The following CREBZF variants were observed in gnomAD, a reference collection of about 807,000 sequenced individuals.
CREBZF encodes the protein CREB/ATF bZIP transcription factor.
In CREBZF, 8 loss-of-function variants were observed where a neutral mutation model predicts 21.1. The ratio of observed to expected loss-of-function variants is 0.38; its 90% CI spans 0.22 to 0.68. The LOEUF (loss-of-function observed/expected upper bound fraction) is 0.68, where lower values mean the gene tolerates loss of function less well. Among genes scored for constraint, CREBZF ranks in the 30% least tolerant of loss-of-function variants. CREBZF has a pLI of 0.51. For synonymous variants in CREBZF, 270 were observed against 223.3 expected (o/e 1.21, Z -1.86); for missense variants, 518 against 484.3 (o/e 1.07, Z -0.65).
In CREBZF at chr11:85,681,133, G is replaced by A. The variant is rs181069811; in HGVS notation, n.147+1584C>T. Among the ~76,000 whole-genome samples the A allele has an allele frequency of 3.5e-4, 53 of 152,300 alleles. No homozygotes were observed. In the East Asian group the frequency reaches 9.3e-3, roughly 27 times the overall value. ...TGGAGGGGGAGGGTAGGCTTTTAGG[G>A]GAGCAGTTAAGAGTCATCATCCTCT... On this transcript the variant is annotated intron_variant and non_coding_transcript_variant, in intron 1 of 3. Transcript: ENST00000531515.
chr11:85,663,494 T>A lies in CREBZF; in HGVS notation c.*317A>T. The A allele has an allele frequency of 1.2e-6, 1 of 837,158 alleles. No individual in the cohort carries two copies. Among genetic ancestry groups the A allele is most frequent in the South Asian group, 1.4e-5 (1 of 69,912 alleles). The allele number at this position is 837,158 out of a possible 1,614,324, so 51.9% of individuals were successfully genotyped here. On this transcript the variant is annotated 3_prime_UTR_variant, in exon 1 of 1. Transcript: ENST00000527447. ...TTAAAGTAGACAAAGCAGCAGAGCA[T>A]GAGCGTTACGGGAAGAGATGGATCC...
At chr11:85,672,157 C>T (rs1023461663) in intron 1 of CREBZF, among the ~76,000 whole-genome samples, 1 of 152,284 alleles carries the variant, frequency 6.6e-6, no homozygotes, top group Admixed American at 6.5e-5. Flanking sequence ...CTTGCACCCT[C>T]TGAAGCCATA....
upstream of CREBZF, among the ~76,000 whole-genome samples, chr11:85,667,250 T>G (rs1348531048): frequency 2.0e-5 from 3 of 150,696 alleles, no homozygotes; most frequent in African/African-American, 7.3e-5. Flanking sequence ...TTTTTGTACT[T>G]TTAGTAGAAA....
intron 1 of CREBZF, among the ~76,000 whole-genome samples, chr11:85,673,706 C>T (rs906010756): frequency 2.0e-5 from 3 of 152,138 alleles, no homozygotes; most frequent in African/African-American, 4.8e-5. Context: ...CTCTATAGCA[C>T]GTGATGTTGT....
chr11:85,676,874 G>A (rs2153329997), intron 1 of CREBZF, among the ~76,000 whole-genome samples: 1 of 150,288 alleles, frequency 6.7e-6, no homozygotes, highest in Middle Eastern at 3.5e-3. Context: ...AAGCTCCTGG[G>A]TTCAAGCAAT....
intron 1 of CREBZF, among the ~76,000 whole-genome samples, chr11:85,674,512 C>G (rs982043727): frequency 6.6e-6 from 1 of 152,152 alleles, no homozygotes; most frequent in African/African-American, 2.4e-5. Flanking sequence ...TTCTTGAAAG[C>G]CCTAGGATTT....
At chr11:85,674,870 T>C (rs2082932686) in intron 1 of CREBZF, among the ~76,000 whole-genome samples, 1 of 152,248 alleles carries the variant, frequency 6.6e-6, no homozygotes, top group Non-Finnish European at 1.5e-5. Flanking sequence ...TTCTCATTGC[T>C]AATTCCAAAT....
rs371102121 is a variant in CREBZF at position 85,664,709 on chromosome 11, T to G, written c.167A>C (p.Gln56Pro). ...AAAGSPGRKQ[Q>P]FGDEGELEAG... is the part of the protein sequence containing the mutation. ...TTCCAACTCTCCTTCGTCGCCAAAC[T>G]GCTGCTTGCGGCCGGGAGATCCGGC... The change falls in exon 1 of 1, where the codon CAG becomes CCG. Residue 56 changes from glutamine to proline, a missense_variant. Transcript: ENST00000527447. The surrounding 1 kb of genome is among the most constrained non-coding windows in gnomAD (Gnocchi z 5.5). 1.2e-6 allele frequency: 2 copies of G among 1,601,820 alleles called. No individual in the cohort carries two copies. The highest frequency in any genetic ancestry group is 1.1e-5 in the South Asian group (1 of 90,386).
chr11:85,664,388 A>G lies in CREBZF; in HGVS notation c.488T>C (p.Leu163Pro). The G allele has an allele frequency of 6.2e-7, 1 of 1,613,816 alleles. No homozygotes were observed. Among genetic ancestry groups the G allele is most frequent in the Non-Finnish European group, 8.5e-7 (1 of 1,180,018 alleles). ...TCCGATACCGTTTAACAGCCTTTGC[A>G]GCAGGTCAGAGAAGCGCTGCATTTC... The part of the protein sequence containing the change: ...AAEMQRFSDL[L>P]QRLLNGIGGC... Residue 163 changes from leucine to proline, a missense_variant, in exon 1 of 1, where the codon CTG (leucine) becomes CCG (proline). Physicochemically the swap from Leu to Pro is moderately conservative, Grantham distance 98 (BLOSUM62 -3). Transcript: ENST00000527447. The surrounding 1 kb of genome is among the most constrained non-coding windows in gnomAD (Gnocchi z 5.5).
At chr11:85,672,966 A>T (rs1364814962) in intron 1 of CREBZF, among the ~76,000 whole-genome samples, 6 of 152,224 alleles carry the variant, frequency 3.9e-5, no homozygotes, top group Non-Finnish European at 1.5e-5. Flanking sequence ...CAATGTCTCC[A>T]CAAGAATATA....
rs562388336 is a variant in CREBZF at position 85,662,078 on chromosome 11, A to G, written c.*1733T>C. The G allele has an allele frequency of 2.0e-5, 5 of 248,850 alleles. No individual in the cohort carries two copies. In the East Asian group the frequency reaches 2.6e-4, roughly 13 times the overall value. 15.4% of individuals were successfully genotyped at this position (248,850 alleles called of 1,614,324 possible). ...AGGTATAAGCAGGTTCATCACTCCA[A>G]TTTGTGAGTTTGGCTACTACCCATT... is the stretch of plus-strand genomic sequence containing the variant. On this transcript the variant is annotated 3_prime_UTR_variant, in exon 1 of 1. Transcript: ENST00000527447.
chr11:85,664,521 G>C lies in CREBZF; in HGVS notation c.355C>G (p.His119Asp), dbSNP rs749718220. ...GGCGAGCTAAGCCCGGGGTCCAGGTGCCAGTCCGGTTGCCTGGGGTCCAGG... is the reference window on the plus strand; with the variant it reads ...GGCGAGCTAAGCCCGGGGTCCAGGTCCCAGTCCGGTTGCCTGGGGTCCAGG... ...DLLDPRQPDW[H>D]LDPGLSSPGP... The change falls in exon 1 of 1, where the codon CAC (histidine) becomes GAC (aspartate). Residue 119 changes from histidine (H) to aspartate (D), a missense_variant. His to Asp is a moderately conservative substitution (Grantham distance 81). Transcript: ENST00000527447. The surrounding 1 kb of genome is among the most constrained non-coding windows in gnomAD (Gnocchi z 5.5). 1 of 1,613,670 alleles carries C rather than the reference G, an allele frequency of 6.2e-7. No individual in the cohort carries two copies. The highest frequency in any genetic ancestry group is 1.3e-5 in the African/African-American group (1 of 74,904).
upstream of CREBZF, among the ~76,000 whole-genome samples, chr11:85,666,007 T>A (rs2082856284): frequency 6.6e-6 from 1 of 152,242 alleles, no homozygotes; most frequent in East Asian, 1.9e-4. Flanking sequence ...GTTATTGACC[T>A]TTGTAGCTAA....
At chr11:85,679,939 A>G (rs977532928) in intron 1 of CREBZF, among the ~76,000 whole-genome samples, 1 of 152,218 alleles carries the variant, frequency 6.6e-6, no homozygotes, top group Non-Finnish European at 1.5e-5. Context: ...TTTGTTTTCA[A>G]TTTTACTATA....
In CREBZF at chr11:85,660,508, C is replaced by T; in HGVS notation, c.*3303G>A. The T allele has an allele frequency of 2.4e-6, 1 of 414,182 alleles. No homozygotes were observed. The highest frequency in any genetic ancestry group is 4.7e-6 in the Non-Finnish European group (1 of 212,316). 25.7% of individuals were successfully genotyped at this position (414,182 alleles called of 1,614,324 possible). A position where few individuals can be genotyped will look rare whatever the true frequency, so the allele number is the denominator to read the frequency against. On this transcript the variant is annotated 3_prime_UTR_variant, in exon 1 of 1. Transcript: ENST00000527447. ...TTTTCAGCAGATGCCAAATTTTTGA[C>T]CGACATGGTTCTCACAATTACTTTG...
rs962834378 is a variant in CREBZF at position 85,663,396 on chromosome 11, T to C, written c.*415A>G. Reference sequence around the variant, plus strand: ...TTTCCAGGGTGGACAGGGCCCAAATTAGATTTCCCTCCCACCTTCCAAAAC... The same window carrying C: ...TTTCCAGGGTGGACAGGGCCCAAATCAGATTTCCCTCCCACCTTCCAAAAC... On this transcript the variant is annotated 3_prime_UTR_variant, in exon 1 of 1. Transcript: ENST00000527447. 3 of 649,874 alleles carry C rather than the reference T, an allele frequency of 4.6e-6. No individual in the cohort carries two copies. Among genetic ancestry groups the C allele is most frequent in the African/African-American group, 3.7e-5 (2 of 53,506 alleles). 40.3% of individuals were successfully genotyped at this position (649,874 alleles called of 1,614,324 possible).
chr11:85,664,522 C>G lies in CREBZF; in HGVS notation c.354G>C (p.Trp118Cys). Reference protein sequence around the residue: ...ADLLDPRQPDWHLDPGLSSPG... With the variant: ...ADLLDPRQPDCHLDPGLSSPG... Reference sequence around the variant, plus strand: ...GCGAGCTAAGCCCGGGGTCCAGGTGCCAGTCCGGTTGCCTGGGGTCCAGGA... The same window carrying G: ...GCGAGCTAAGCCCGGGGTCCAGGTGGCAGTCCGGTTGCCTGGGGTCCAGGA... The change falls in exon 1 of 1, where the codon TGG (tryptophan) becomes TGC (cysteine). Residue 118 changes from tryptophan (W) to cysteine (C), a missense_variant. Around this residue, in one of 3 missense-constraint regions of CREBZF, gnomAD observed 396 missense variants for 324.4 expected, o/e 1.22. Coordinates refer to ENST00000527447, the MANE Select transcript of CREBZF (RefSeq NM_001039618.4). This position sits in a 1 kb window ranked among gnomAD's most constrained non-coding sequence, Gnocchi z 5.5. 6.2e-7 allele frequency: 1 copy of G among 1,613,830 alleles called. No homozygotes were observed.
At chr11:85,675,664 G>C (rs906262051) in intron 1 of CREBZF, among the ~76,000 whole-genome samples, 4 of 152,108 alleles carry the variant, frequency 2.6e-5, no homozygotes, top group Non-Finnish European at 5.9e-5. Context: ...TGATAGACAT[G>C]CTCAACTTAT....
chr11:85,675,679 G>T (rs1476459944), intron 1 of CREBZF, among the ~76,000 whole-genome samples: 1 of 152,130 alleles, frequency 6.6e-6, no homozygotes, highest in South Asian at 2.1e-4. Flanking sequence ...ACTTATGGTT[G>T]CCACAAACCT....
Sources: gnomAD v4.1 joint callset for allele counts (sites outside exome capture counted in the v4.1 genomes callset) on GRCh38, gnomAD v4.1.1 for gene constraint, gnomAD v4.1.1 regional missense constraint, Gnocchi (gnomAD v3.1) non-coding constraint, MANE v1.5 for transcripts, NCBI Gene and HGNC (gene_info 2026-07-23, HGNC 2026-07-21) for gene names.